The following IL17RD variants were observed in gnomAD, a reference collection of about 807,000 sequenced individuals.
The protein encoded by IL17RD is interleukin-17 receptor D.
Under a neutral mutation model 80.5 loss-of-function variants are expected in IL17RD, and 52 were observed. The observed-to-expected ratio is 0.65, with a 90% confidence interval of 0.52 to 0.81. The LOEUF (loss-of-function observed/expected upper bound fraction) is 0.81. Among genes scored for constraint, IL17RD ranks in the 40% least tolerant of loss-of-function variants. The probability of loss-of-function intolerance (pLI) is 0.00; values close to 1 mark genes in which losing one functional copy is unlikely to be tolerated. For missense variants in IL17RD, 1,024 were observed against 955.1 expected (o/e 1.07, Z -0.95); for synonymous variants, 416 against 391.8 (o/e 1.06, Z -0.73).
At chr3:57,140,850 G>C (rs1331601861) in intron 1 of IL17RD, among the ~76,000 whole-genome samples, 1 of 151,594 alleles carries the variant, frequency 6.6e-6, no homozygotes, top group East Asian at 1.9e-4. Flanking sequence ...TATCACTAAT[G>C]AACATTTATT....
intron 12 of IL17RD, 128 bp downstream of exon 12, chr3:57,097,468 G>A (rs1706705577): frequency 5.8e-6 from 4 of 694,838 alleles, no homozygotes; most frequent in South Asian, 3.5e-5. Context: ...ACTACCAAAC[G>A]AGCTGTGTTC....
chr3:57,142,209 A>G (rs1707841649), intron 1 of IL17RD, among the ~76,000 whole-genome samples: 1 of 152,234 alleles, frequency 6.6e-6, no homozygotes, highest in African/African-American at 2.4e-5. Context: ...CTGTTTTATT[A>G]AACTATGCAA....
chr3:57,110,310 G>A lies in IL17RD; in HGVS notation c.312C>T (p.Gly104=). 6.3e-7 allele frequency: 1 copy of A among 1,592,324 alleles called. No individual in the cohort carries two copies. Among genetic ancestry groups the A allele is most frequent in the Middle Eastern group, 1.7e-4 (1 of 6,042 alleles). ...VTILWSPGAL[G]IEFLKGFRVI... Reference sequence around the variant, plus strand: ...CCCGAAATCCTTTCAGGAATTCGATGCCTAAGCAAAGCAGAATGCTTTTAT... The same window carrying A: ...CCCGAAATCCTTTCAGGAATTCGATACCTAAGCAAAGCAGAATGCTTTTAT... Residue 104 remains glycine (G), a splice_region_variant and synonymous_variant, in exon 4 of 13, where the codon GGC becomes GGT. Coordinates refer to ENST00000296318, the MANE Select transcript of IL17RD (RefSeq NM_017563.5).
chr3:57,165,323 C>T lies in IL17RD; in HGVS notation c.-37G>A. 2.3e-6 allele frequency: 3 copies of T among 1,315,012 alleles called. No individual in the cohort carries two copies. The highest frequency in any genetic ancestry group is 2.5e-4 in the Middle Eastern group (1 of 4,016). The allele number at this position is 1,315,012 out of a possible 1,614,324, so 81.5% of individuals were successfully genotyped here. A position where few individuals can be genotyped will look rare whatever the true frequency, so the allele number is the denominator to read the frequency against. The stretch of plus-strand genomic sequence containing the variant: ...CGCCCAGCCAGGCCGTTCTCTGCGC[C>T]CCGGCCGCCCGCCGCTGGCCAGCCC... On this transcript the variant is annotated 5_prime_UTR_variant, in exon 1 of 13. Coordinates refer to ENST00000296318, the MANE Select transcript of IL17RD (RefSeq NM_017563.5).
chr3:57,120,630 C>G (rs908922936), intron 1 of IL17RD, among the ~76,000 whole-genome samples: 2 of 152,218 alleles, frequency 1.3e-5, no homozygotes, highest in African/African-American at 2.4e-5. Context: ...AGACCAAGAG[C>G]TGCCAGCTGG....
At chr3:57,125,861 C>T (rs935772176) in intron 1 of IL17RD, among the ~76,000 whole-genome samples, 2 of 152,210 alleles carry the variant, frequency 1.3e-5, no homozygotes, top group Admixed American at 1.3e-4. Flanking sequence ...AAACCCCTGC[C>T]TACAGTCCTG....
At chr3:57,135,242 G>C (rs1707700849) in intron 1 of IL17RD, among the ~76,000 whole-genome samples, 1 of 152,208 alleles carries the variant, frequency 6.6e-6, no homozygotes, top group Non-Finnish European at 1.5e-5. Context: ...ATTTCCTGGA[G>C]CACTGAGGAG....
Position 57,163,791 on chromosome 3 carries a change from GGC to G in IL17RD, c.126+1368_126+1369del, listed in dbSNP as rs1175670042. The stretch of plus-strand genomic sequence containing the variant: ...ATGACAGAGCCTAATGGGGCGGGGG[GGC>G]GGGGGGGGAAGGGGGTGGCGGGGGC... On this transcript the variant is annotated intron_variant, in intron 1 of 12. Transcript: ENST00000296318. 7.2e-3 allele frequency among the ~76,000 whole-genome samples: 712 copies of G among 98,228 alleles called. 22 individuals are homozygous for G. Among genetic ancestry groups the G allele is most frequent in the African/African-American group, 0.018 (324 of 17,752 alleles). 64.4% of individuals were successfully genotyped at this position (98,228 alleles called of 152,430 possible). A position where few individuals can be genotyped will look rare whatever the true frequency, so the allele number is the denominator to read the frequency against.
chr3:57,134,771 C>T (rs892373438), intron 1 of IL17RD: 5 of 463,118 alleles, frequency 1.1e-5, no homozygotes, highest in African/African-American at 8.0e-5. Flanking sequence ...TTACGTAGAT[C>T]AACCACTAAA....
chr3:57,140,849 T>C (rs1385928240), intron 1 of IL17RD, among the ~76,000 whole-genome samples: 2 of 152,006 alleles, frequency 1.3e-5, no homozygotes, highest in Non-Finnish European at 2.9e-5. Flanking sequence ...TTATCACTAA[T>C]GAACATTTAT....
intron 9 of IL17RD, 53 bp from the exon 10 acceptor site, chr3:57,102,642 A>G (rs1706862814): frequency 1.1e-6 from 1 of 921,350 alleles, no homozygotes; most frequent in Non-Finnish European, 1.7e-6. Context: ...AAAGGTTCAA[A>G]GAGAAACAAC....
In IL17RD at chr3:57,105,552, A is replaced by AAAAAAAAAAAAAAAAAAATAT; in HGVS notation, c.747+304_747+305insATATTTTTTTTTTTTTTTTTT. 2.4e-4 allele frequency among the ~76,000 whole-genome samples: 15 copies of AAAAAAAAAAAAAAAAAAATAT among 63,586 alleles called. 1 individual carries two copies. Among genetic ancestry groups the AAAAAAAAAAAAAAAAAAATAT allele is most frequent in the Non-Finnish European group, 3.6e-4 (13 of 35,922 alleles). 41.7% of individuals were successfully genotyped at this position (63,586 alleles called of 152,430 possible). A position where few individuals can be genotyped will look rare whatever the true frequency, so the allele number is the denominator to read the frequency against. The stretch of plus-strand genomic sequence containing the variant: ...ACTCCATCTCAAAAAAAAAAAAAAA[A>AAAAAAAAAAAAAAAAAAATAT]ATATATATATATATATATTTGTTCA... On this transcript the variant is annotated intron_variant, in intron 7 of 12. Coordinates refer to ENST00000296318, the MANE Select transcript of IL17RD (RefSeq NM_017563.5).
At chr3:57,149,445 T>C (rs765445702) in intron 1 of IL17RD, among the ~76,000 whole-genome samples, 9 of 152,188 alleles carry the variant, frequency 5.9e-5, no homozygotes, top group Non-Finnish European at 1.2e-4. Flanking sequence ...TACCCAATGT[T>C]TGGGATGACT....
chr3:57,144,449 T>C (rs752684056), intron 1 of IL17RD, among the ~76,000 whole-genome samples: 1 of 152,222 alleles, frequency 6.6e-6, no homozygotes, highest in Non-Finnish European at 1.5e-5. Flanking sequence ...CACGACAGGA[T>C]GCCAGTGCAA....
rs751847693 is a variant in IL17RD, at chr3:57,154,260, T to TTATATATATATA, written c.126+10889_126+10900dup. Among the ~76,000 whole-genome samples the TTATATATATATA allele has an allele frequency of 3.4e-3, 443 of 128,428 alleles. 1 individual carries two copies. The highest frequency in any genetic ancestry group is 0.013 in the African/African-American group (413 of 32,340). 84.3% of individuals were successfully genotyped at this position (128,428 alleles called of 152,430 possible). On this transcript the variant is annotated intron_variant, in intron 1 of 12. Coordinates refer to ENST00000296318, the MANE Select transcript of IL17RD (RefSeq NM_017563.5). ...TGAGACCTTGTCTCAAAAAAAAAAATTATATATATATATATATATATATAC... is the reference window on the plus strand; with the variant it reads ...TGAGACCTTGTCTCAAAAAAAAAAATTATATATATATATATATATATATATATATATATATAC...
chr3:57,167,375 A>G (rs1276169099), upstream of IL17RD, among the ~76,000 whole-genome samples: 6 of 152,132 alleles, frequency 3.9e-5, no homozygotes, highest in African/African-American at 1.4e-4. Flanking sequence ...CTGCTGGTTC[A>G]GTGCCTCCCT....
At position 57,098,576 on chromosome 3, in the gene IL17RD, C is replaced by G. The variant is rs373547511; in HGVS notation, c.1165-38G>C. On this transcript the variant is annotated intron_variant, in intron 11 of 12. Coordinates refer to ENST00000296318, the MANE Select transcript of IL17RD (RefSeq NM_017563.5). ...CAAGGCACCTCACCCATACAGAAGG[C>G]TCGGGAAGAGGCTCGGGAAGTGAGT... 2.1e-6 allele frequency: 3 copies of G among 1,415,332 alleles called. No individual in the cohort carries two copies. In the African/African-American group the frequency reaches 4.3e-5, roughly 20 times the overall value. The allele number at this position is 1,415,332 out of a possible 1,614,324, so 87.7% of individuals were successfully genotyped here.
Position 57,096,277 on chromosome 3 carries a change from C to G in IL17RD, c.*116G>C. 1 of 746,604 alleles carries G rather than the reference C, an allele frequency of 1.3e-6. No homozygotes were observed. Among genetic ancestry groups the G allele is most frequent in the Admixed American group, 1.9e-5 (1 of 52,336 alleles). 46.2% of individuals were successfully genotyped at this position (746,604 alleles called of 1,614,324 possible). A position where few individuals can be genotyped will look rare whatever the true frequency, so the allele number is the denominator to read the frequency against. On this transcript the variant is annotated 3_prime_UTR_variant, in exon 13 of 13. Transcript: ENST00000296318. ...AACAAGTACTGGCCAGCATTTCACT[C>G]CAAATATCCTTGTATGAGACCTCAG...
rs557225883 is a variant in IL17RD at position 57,145,563 on chromosome 3, T to C, written c.126+19598A>G. 2.6e-5 allele frequency among the ~76,000 whole-genome samples: 4 copies of C among 152,220 alleles called. No individual in the cohort carries two copies. The East Asian group carries it at 7.7e-4, about 29-fold the overall frequency. ...TGTATTAGAGAAAGATCTGCAACAA[T>C]GGTCAGAGGTTGGGTGTTCTTTCCC... On this transcript the variant is annotated intron_variant, in intron 1 of 12. Transcript: ENST00000296318.
Sources: gnomAD v4.1 joint callset for allele counts (sites outside exome capture counted in the v4.1 genomes callset) on GRCh38, gnomAD v4.1.1 for gene constraint, MANE v1.5 for transcripts, NCBI Gene and HGNC (gene_info 2026-07-23, HGNC 2026-07-21) for gene names.